Variants in DPY30 observed in about 807,000 individuals in gnomAD.
DPY30 encodes the protein protein dpy-30 homolog.
Under a neutral mutation model 16.2 loss-of-function variants are expected in DPY30, and 6 were observed. That is an observed-to-expected ratio of 0.37 (90% CI 0.20 to 0.73). The LOEUF is 0.73. DPY30 is among the 30% of genes least tolerant of loss of function. The probability of loss-of-function intolerance (pLI) is 0.51; values close to 1 mark genes in which losing one functional copy is unlikely to be tolerated. For missense variants in DPY30, 73 were observed against 113.1 expected (o/e 0.65, Z 1.61); for synonymous variants, 39 against 38.8 (o/e 1.00, Z -0.02).
intron 4 of DPY30, among the ~76,000 whole-genome samples, chr2:32,025,467 A>C (rs1675293736): frequency 6.6e-6 from 1 of 152,072 alleles, no homozygotes; most frequent in African/African-American, 2.4e-5. Context: ...CGTCTCAAAA[A>C]AAAAATTGTA....
downstream of DPY30, among the ~76,000 whole-genome samples, chr2:32,019,991 GA>G: frequency 6.8e-6 from 1 of 146,326 alleles, no homozygotes; most frequent in South Asian, 2.1e-4. Flanking sequence ...AGATGGGTTT[GA>G]ATCCCTGCCA....
chr2:32,021,525 A>C (rs1457600708), downstream of DPY30, among the ~76,000 whole-genome samples: 2 of 151,762 alleles, frequency 1.3e-5, no homozygotes, highest in African/African-American at 2.4e-5. Flanking sequence ...TAAAACTACA[A>C]AAATTAGCCA....
At chr2:32,022,597 A>C (rs2148654583), downstream of DPY30, among the ~76,000 whole-genome samples, 1 of 151,828 alleles carries the variant, frequency 6.6e-6, no homozygotes, top group African/African-American at 2.4e-5. Context: ...GGCTCACTGC[A>C]ACCTCTGCCT....
At chr2:32,016,042 G>A (rs968023280) in intron 5 of DPY30, among the ~76,000 whole-genome samples, 1 of 151,928 alleles carries the variant, frequency 6.6e-6, no homozygotes, top group African/African-American at 2.4e-5. Flanking sequence ...GGGATTACAG[G>A]CACACACCAC....
intron 4 of DPY30, among the ~76,000 whole-genome samples, chr2:32,027,055 C>T (rs914614114): frequency 6.6e-6 from 1 of 151,638 alleles, no homozygotes; most frequent in Non-Finnish European, 1.5e-5. Flanking sequence ...GAGGGCAGAC[C>T]ACCTGAGGTC....
rs965592799 is a variant in DPY30 at position 32,016,792 on chromosome 2, C to T, written n.378-4740G>A. On this transcript the variant is annotated intron_variant and non_coding_transcript_variant, in intron 5 of 5. Transcript: ENST00000414013. ...TCAATCTTTGTATTTATTTACTAAA[C>T]GACGTCATCATTAAATGGTCAAAGG... Among the ~76,000 whole-genome samples the T allele has an allele frequency of 3.3e-5, 5 of 152,110 alleles. No homozygotes were observed. The East Asian group carries it at 7.7e-4, about 23-fold the overall frequency.
intron 3 of DPY30, among the ~76,000 whole-genome samples, chr2:32,037,705 T>A (rs779173734): frequency 2.0e-5 from 3 of 151,710 alleles, no homozygotes; most frequent in Non-Finnish European, 4.4e-5. Flanking sequence ...TTACAGGCAC[T>A]TGCCACCACG....
chr2:32,014,354 G>A (rs1301400504), intron 5 of DPY30, among the ~76,000 whole-genome samples: 1 of 152,200 alleles, frequency 6.6e-6, no homozygotes, highest in Non-Finnish European at 1.5e-5. Flanking sequence ...AGGCACAGTG[G>A]CACACACCTA....
At chr2:32,026,955 A>G (rs923408212) in intron 4 of DPY30, among the ~76,000 whole-genome samples, 2 of 149,032 alleles carry the variant, frequency 1.3e-5, no homozygotes, top group African/African-American at 4.9e-5. Flanking sequence ...CTCAAGTGCA[A>G]TAGTGAGAAG....
At chr2:32,011,717 A>G (rs1674927585), downstream of DPY30, among the ~76,000 whole-genome samples, 1 of 152,234 alleles carries the variant, frequency 6.6e-6, no homozygotes, top group Non-Finnish European at 1.5e-5. Context: ...AGGAAGAGAA[A>G]GTTGCATACA....
intron 3 of DPY30, 142 bp downstream of exon 3, chr2:32,039,137 C>A: frequency 1.0e-6 from 1 of 962,498 alleles, no homozygotes; most frequent in Non-Finnish European, 1.6e-6. Context: ...GCTAATAAAA[C>A]AAGCTACCCA....
chr2:32,024,670 A>T (rs550401579), intron 4 of DPY30, among the ~76,000 whole-genome samples: 6 of 152,336 alleles, frequency 3.9e-5, no homozygotes, highest in African/African-American at 1.4e-4. Flanking sequence ...TACCTATGAT[A>T]TGTGTAATAT....
intron 5 of DPY30, among the ~76,000 whole-genome samples, chr2:32,012,494 G>C (rs1210368656): frequency 7.7e-6 from 1 of 129,750 alleles, no homozygotes; most frequent in African/African-American, 3.0e-5. Flanking sequence ...GCAGTGGCTC[G>C]ATCTGGGCTC....
At chr2:32,023,667 T>G (rs757369439), downstream of DPY30, 40 of 1,200,262 alleles carry the variant, frequency 3.3e-5, no homozygotes, top group Non-Finnish European at 4.0e-5. Context: ...TTAATGTACA[T>G]TAGAATCACC....
intron 5 of DPY30, among the ~76,000 whole-genome samples, chr2:32,014,037 A>AGAGG (rs1368321956): frequency 2.1e-5 from 3 of 143,510 alleles, no homozygotes; most frequent in Non-Finnish European, 3.0e-5. Context: ...AGAGAGACAG[A>AGAGG]GAGGGAGGGA....
intron 3 of DPY30, among the ~76,000 whole-genome samples, chr2:32,036,889 C>T (rs1428280941): frequency 6.6e-6 from 1 of 151,876 alleles, no homozygotes; most frequent in Non-Finnish European, 1.5e-5. Context: ...AAAAAAACTA[C>T]ACCAAGACAC....
chr2:32,029,475 A>C, intron 4 of DPY30, 119 bp downstream of exon 4: 1 of 1,230,990 alleles, frequency 8.1e-7, no homozygotes, highest in Non-Finnish European at 1.1e-6. Context: ...ACTTTCTTAA[A>C]AACTTTAACA....
intron 1 of DPY30, 60 bp from the exon 2 acceptor site, chr2:32,039,552 T>C: frequency 6.4e-7 from 1 of 1,565,590 alleles, no homozygotes; most frequent in Non-Finnish European, 8.7e-7. Flanking sequence ...GACTCCAGGA[T>C]GGAGTGCAGC....
chr2:32,018,214 T>C (rs1675099828), intron 5 of DPY30, among the ~76,000 whole-genome samples: 1 of 151,976 alleles, frequency 6.6e-6, no homozygotes, highest in Admixed American at 6.6e-5. Context: ...ACAAGATGAG[T>C]AAAGACTGAT....
Sources: gnomAD v4.1 joint callset for allele counts (sites outside exome capture counted in the v4.1 genomes callset) on GRCh38, gnomAD v4.1.1 for gene constraint, MANE v1.5 for transcripts, NCBI Gene and HGNC (gene_info 2026-07-23, HGNC 2026-07-21) for gene names.